The following ATP5F1B variants were observed in gnomAD, a reference collection of about 807,000 sequenced individuals.
ATP5F1B encodes ATP synthase F(1) complex subunit beta, mitochondrial.
ATP5F1B carries 17 observed loss-of-function variants against 45.9 expected under a neutral mutation model. The ratio of observed to expected loss-of-function variants is 0.37; its 90% CI spans 0.25 to 0.56. ATP5F1B has a LOEUF of 0.56. Among genes scored for constraint, ATP5F1B ranks in the 20% least tolerant of loss-of-function variants. The pLI is 0.80. For missense variants in ATP5F1B, 387 were observed against 673.2 expected (o/e 0.57, Z 4.70); for synonymous variants, 218 against 256.5 (o/e 0.85, Z 1.43).
Position 56,642,581 on chromosome 12 carries a change from C to G in ATP5F1B, c.952-1G>C. ...GGATTCGGCCCAATAATGCAGACAC[C>G]TAAAAGAAAAAAAGGTCTTAGGTGT... On this transcript the variant is annotated splice_acceptor_variant, in intron 6 of 9. Transcript: ENST00000262030. LOFTEE classifies it high-confidence loss of function. 6.2e-7 allele frequency: 1 copy of G among 1,612,942 alleles called. No individual in the cohort carries two copies. Among genetic ancestry groups the G allele is most frequent in the Non-Finnish European group, 8.5e-7 (1 of 1,179,674 alleles).
Position 56,638,339 on chromosome 12 carries a change from T to A in ATP5F1B, c.1574A>T (p.Glu525Val). ...AAAGACCCCTCACGATGAATGCTCTTCAGCCAGCTTATCAGCTTTTGCCAC... is the reference window on the plus strand; with the variant it reads ...AAAGACCCCTCACGATGAATGCTCTACAGCCAGCTTATCAGCTTTTGCCAC... ...EAVAKADKLA[E>V]EHSS Residue 525 changes from glutamate (E) to valine (V), a missense_variant, in exon 10 of 10, where the codon GAA (glutamate) becomes GTA (valine). This residue lies in a region of ATP5F1B where 36 missense variants were observed against 37.9 expected (regional missense o/e 0.95). Transcript: ENST00000262030. The A allele has an allele frequency of 6.2e-7, 1 of 1,614,052 alleles. No homozygotes were observed. Among genetic ancestry groups the A allele is most frequent in the Non-Finnish European group, 8.5e-7 (1 of 1,179,960 alleles).
chr12:56,645,585 A>T (rs1951543653), intron 1 of ATP5F1B, among the ~76,000 whole-genome samples: 1 of 152,150 alleles, frequency 6.6e-6, no homozygotes, highest in African/African-American at 2.4e-5. Flanking sequence ...ACCCCTATTC[A>T]ACCGGAAGGT....
At chr12:56,638,527 G>A in intron 9 of ATP5F1B, 104 bp from the exon 10 acceptor site, 1 of 852,770 alleles carries the variant, frequency 1.2e-6, no homozygotes, top group South Asian at 1.5e-5. Context: ...GTTAGAATGT[G>A]ATGAATTCAT....
intron 1 of ATP5F1B, 61 bp downstream of exon 1, chr12:56,645,776 C>T (rs748523188): frequency 3.2e-6 from 5 of 1,581,928 alleles, no homozygotes; most frequent in Non-Finnish European, 4.3e-6. Flanking sequence ...TACCATCGTT[C>T]CCCGGCTCAA....
Position 56,640,075 on chromosome 12 carries a change from C to T in ATP5F1B, c.1192G>A (p.Val398Met). Residue 398 changes from valine (V) to methionine (M), a missense_variant, in exon 8 of 10, where the codon GTG becomes ATG. Transcript: ENST00000262030. ...AIAELGIYPAVDPLDSTSRIM... is the reference protein window; with the variant it reads ...AIAELGIYPAMDPLDSTSRIM... ...CGAGAGGTGGAGTCTAGAGGATCCA[C>T]AGCTGGATAGATGCCCAGCTCAGCA... 5.0e-6 allele frequency: 8 copies of T among 1,614,120 alleles called. No individual in the cohort carries two copies. The highest frequency in any genetic ancestry group is 6.8e-6 in the Non-Finnish European group (8 of 1,180,028).
intron 4 of ATP5F1B, 68 bp from the exon 5 acceptor site, chr12:56,643,655 A>T: frequency 2.5e-6 from 4 of 1,599,592 alleles, no homozygotes; most frequent in Non-Finnish European, 3.4e-6. Context: ...CTTCAAAAAA[A>T]GTAATTGCTT....
chr12:56,638,396 G>A lies in ATP5F1B; in HGVS notation c.1517C>T (p.Ala506Val). The change falls in exon 10 of 10, where the codon GCC (alanine) becomes GTC (valine). Residue 506 changes from alanine to valine, a missense_variant. Physicochemically the swap from Ala to Val is moderately conservative, Grantham distance 64. Transcript: ENST00000262030. ...TTCAATGGGTCCCACCATATAGAAG[G>A]CCTGTTCTGGGAGATGGTCATATTC... ...AGEYDHLPEQ[A>V]FYMVGPIEEA... The A allele has an allele frequency of 1.2e-6, 2 of 1,613,656 alleles. No individual in the cohort carries two copies. The highest frequency in any genetic ancestry group is 2.2e-5 in the East Asian group (1 of 44,876).
At chr12:56,638,496 C>T in intron 9 of ATP5F1B, 73 bp from the exon 10 acceptor site, 2 of 1,130,194 alleles carry the variant, frequency 1.8e-6, no homozygotes, top group African/African-American at 1.5e-5. Context: ...ATGTAACATT[C>T]CTCACCACTT....
At position 56,642,586 on chromosome 12, in the gene ATP5F1B, A is replaced by T. The variant is rs778366547; in HGVS notation, c.952-6T>A. 8.7e-6 allele frequency: 14 copies of T among 1,614,020 alleles called. No homozygotes were observed. Among genetic ancestry groups the T allele is most frequent in the Non-Finnish European group, 1.1e-5 (13 of 1,180,028 alleles). On this transcript the variant is annotated splice_polypyrimidine_tract_variant and splice_region_variant and intron_variant, in intron 6 of 9. Transcript: ENST00000262030. ...CGGCCCAATAATGCAGACACCTAAA[A>T]GAAAAAAAGGTCTTAGGTGTCTACA...
chr12:56,639,864 G>A (rs1278285641), intron 8 of ATP5F1B, 116 bp downstream of exon 8: 1 of 1,071,026 alleles, frequency 9.3e-7, no homozygotes, highest in South Asian at 1.5e-5. Context: ...GCAATTGCCA[G>A]CCTCAACTTT....
At chr12:56,643,019 C>A in intron 5 of ATP5F1B, 188 bp from the exon 6 acceptor site, 1 of 625,712 alleles carries the variant, frequency 1.6e-6, no homozygotes, top group Non-Finnish European at 2.7e-6. Flanking sequence ...ATTAGTAAGG[C>A]AAAACTATAG....
At chr12:56,639,552 T>C (rs2137542707) in intron 8 of ATP5F1B, 2 of 505,104 alleles carry the variant, frequency 4.0e-6, no homozygotes, top group South Asian at 4.1e-5. Flanking sequence ...GGTGGGTGGA[T>C]CATGAGGTCA....
Position 56,645,975 on chromosome 12 carries a change from G to T in ATP5F1B, c.-12C>A, listed in dbSNP as rs1034147387. 9 of 1,592,270 alleles carry T rather than the reference G, an allele frequency of 5.7e-6. No individual in the cohort carries two copies. Among genetic ancestry groups the T allele is most frequent in the Non-Finnish European group, 6.8e-6 (8 of 1,170,254 alleles). On this transcript the variant is annotated 5_prime_UTR_variant, in exon 1 of 10. Coordinates refer to ENST00000262030, the MANE Select transcript of ATP5F1B (RefSeq NM_001686.4). ...ACAAACCCCAACATGGCGTAGTCCG[G>T]GTGGAGACTGAAGGCTGCAGCAACC...
intron 2 of ATP5F1B, 22 bp from the exon 3 acceptor site, chr12:56,644,977 G>A: frequency 6.2e-7 from 1 of 1,614,142 alleles, no homozygotes; most frequent in Non-Finnish European, 8.5e-7. Context: ...AGGCATCGCA[G>A]GGTTATACAT....
intron 9 of ATP5F1B, 38 bp from the exon 10 acceptor site, chr12:56,638,461 C>T (rs535153369): frequency 1.5e-4 from 229 of 1,479,814 alleles, no homozygotes; most frequent in South Asian, 9.5e-4. Context: ...GAGTAAGAAG[C>T]GGAGGGATAT....
intron 5 of ATP5F1B, 58 bp from the exon 6 acceptor site, chr12:56,642,889 G>A: frequency 6.3e-7 from 1 of 1,576,024 alleles, no homozygotes; most frequent in Non-Finnish European, 8.7e-7. Flanking sequence ...GCCACATACT[G>A]AAGGTTCCCA....
intron 3 of ATP5F1B, 60 bp downstream of exon 3, chr12:56,644,721 T>C (rs1193784242): frequency 7.2e-6 from 11 of 1,526,692 alleles, no homozygotes; most frequent in Non-Finnish European, 9.7e-6. Flanking sequence ...GTCACCTTAA[T>C]GTGTAAAACT....
At position 56,645,926 on chromosome 12, in the gene ATP5F1B, G is replaced by A. The variant is rs1482489760; in HGVS notation, c.38C>T (p.Ala13Val). The change falls in exon 1 of 10, where the codon GCC becomes GTC. Residue 13 changes from alanine to valine, a missense_variant. Transcript: ENST00000262030. ...GGTGAGTCTCCGCAAGGCCCCGGAG[G>A]CCGGAGCAGCGGCCACCCGACCCAC... ...GFVGRVAAAP[A>V]SGALRRLTPS... 1 of 1,607,198 alleles carries A rather than the reference G, an allele frequency of 6.2e-7. No individual in the cohort carries two copies.
At chr12:56,645,456 G>C (rs1419625344) in intron 1 of ATP5F1B, 103 bp from the exon 2 acceptor site, 1 of 1,322,468 alleles carries the variant, frequency 7.6e-7, no homozygotes, top group African/African-American at 1.5e-5. Context: ...GCCGAAGTCA[G>C]GCCTCTTTCC....
Sources: allele counts gnomAD v4.1 joint callset (sites outside exome capture counted in the v4.1 genomes callset), GRCh38; gene constraint gnomAD v4.1.1; regional missense constraint gnomAD v4.1.1; transcripts MANE v1.5; gene names NCBI Gene and HGNC (gene_info 2026-07-23, HGNC 2026-07-21).